The following HRH2 variants were observed in gnomAD, a reference collection of about 807,000 sequenced individuals.
HRH2 encodes the protein histamine receptor H2.
Under a neutral mutation model 20.1 loss-of-function variants are expected in HRH2, and 4 were observed. The ratio of observed to expected loss-of-function variants is 0.20; its 90% CI spans 0.10 to 0.45. The LOEUF (loss-of-function observed/expected upper bound fraction) is 0.45. Ranked by LOEUF, HRH2 falls within the 20% of genes least tolerant of loss-of-function variation. The probability of loss-of-function intolerance (pLI) is 0.99; values close to 1 mark genes in which losing one functional copy is unlikely to be tolerated. For missense variants in HRH2, 250 were observed against 461.6 expected, an observed-to-expected ratio of 0.54 and a Z score of 4.20; for synonymous variants, 197 against 200.7, an observed-to-expected ratio of 0.98 and a Z score of 0.16.
Position 175,709,018 on chromosome 5 carries a change from C to G in HRH2, c.*1047C>G, listed in dbSNP as rs1757023207. The G allele has an allele frequency of 6.6e-6, 1 of 152,092 alleles. No individual in the cohort carries two copies. Among genetic ancestry groups the G allele is most frequent in the Admixed American group, 6.6e-5 (1 of 15,264 alleles). The allele number at this position is 152,092 out of a possible 1,614,324, so 9.4% of individuals were successfully genotyped here. On this transcript the variant is annotated 3_prime_UTR_variant, in exon 3 of 3. Coordinates refer to ENST00000636584, the MANE Select transcript of HRH2 (RefSeq NM_001367711.1). ...CTAAGCAGCTTTTGATTCCCCTGTC[C>G]AAGAGGGTAGGCCCCCTGTTCCTAT...
intron 2 of HRH2, among the ~76,000 whole-genome samples, chr5:175,694,933 C>T (rs1330812905): frequency 6.6e-6 from 1 of 152,098 alleles, no homozygotes; most frequent in Non-Finnish European, 1.5e-5. Flanking sequence ...TGGGGAACGG[C>T]TCACGGGGGC....
At position 175,677,507 on chromosome 5, in the gene HRH2, G is replaced by A. The variant is rs2890892; in HGVS notation, c.-525-5202G>A. 0.15 allele frequency among the ~76,000 whole-genome samples: 22,118 copies of A among 152,204 alleles called. 3,587 individuals are homozygous for A. Among genetic ancestry groups the A allele is most frequent in the African/African-American group, 0.4 (16,476 of 41,470 alleles). ...CTCTGACTGTCTGGGCTGAAGCCAC[G>A]TTGGTCCGCAGCTCGTATCGGGGCA... On this transcript the variant is annotated intron_variant, in intron 1 of 2. Coordinates refer to ENST00000636584, the MANE Select transcript of HRH2 (RefSeq NM_001367711.1). This position sits in a 1 kb window ranked among gnomAD's most constrained non-coding sequence, Gnocchi z 4.2.
At chr5:175,697,408 A>C (rs1756633829) in intron 2 of HRH2, among the ~76,000 whole-genome samples, 1 of 148,836 alleles carries the variant, frequency 6.7e-6, no homozygotes, top group Admixed American at 6.8e-5. Context: ...GCTTGCAGTG[A>C]GCCGGGATAG....
intron 1 of HRH2, among the ~76,000 whole-genome samples, chr5:175,667,181 T>C (rs575834758): frequency 3.9e-5 from 6 of 152,226 alleles, no homozygotes; most frequent in African/African-American, 1.4e-4. Context: ...CGGTGGCTCA[T>C]GTCTGTAATT....
intron 2 of HRH2, 160 bp downstream of exon 2, chr5:175,684,469 G>A: frequency 3.7e-6 from 2 of 540,996 alleles, no homozygotes; most frequent in Non-Finnish European, 4.7e-6. Flanking sequence ...CCTCCCAACG[G>A]CCCCCAAAGG....
intron 1 of HRH2, among the ~76,000 whole-genome samples, chr5:175,672,613 T>C (rs1755588992): frequency 6.6e-6 from 1 of 152,234 alleles, no homozygotes; most frequent in Non-Finnish European, 1.5e-5. Context: ...GTTACGATGG[T>C]TATTTTCAAG....
intron 2 of HRH2, among the ~76,000 whole-genome samples, chr5:175,706,521 A>T (rs997248553): frequency 6.6e-6 from 1 of 152,186 alleles, no homozygotes; most frequent in African/African-American, 2.4e-5. Flanking sequence ...TGATAATTTC[A>T]CCGAGTGCAA....
At chr5:175,685,945 T>G in intron 2 of HRH2, 2 of 157,602 alleles carry the variant, frequency 1.3e-5, no homozygotes, top group Non-Finnish European at 2.8e-5. Flanking sequence ...GCCACCCCCA[T>G]TCCCAGGGGT....
chr5:175,682,887 G>A lies in HRH2; in HGVS notation c.-347G>A, dbSNP rs1468918392. On this transcript the variant is annotated 5_prime_UTR_variant, in exon 2 of 3. Coordinates refer to ENST00000636584, the MANE Select transcript of HRH2 (RefSeq NM_001367711.1). Reference sequence around the variant, plus strand: ...GATTCTATGCAAAACCTGGGAAGCGGAGACCTACCCCAGCCCCGGGAGGAA... The same window carrying A: ...GATTCTATGCAAAACCTGGGAAGCGAAGACCTACCCCAGCCCCGGGAGGAA... The A allele has an allele frequency of 1.6e-5, 4 of 255,106 alleles. No individual in the cohort carries two copies. Among genetic ancestry groups the A allele is most frequent in the Non-Finnish European group, 3.0e-5 (4 of 133,776 alleles). The allele number at this position is 255,106 out of a possible 1,614,324, so 15.8% of individuals were successfully genotyped here.
At chr5:175,662,758 C>T (rs1202112241) in intron 1 of HRH2, among the ~76,000 whole-genome samples, 1 of 152,194 alleles carries the variant, frequency 6.6e-6, no homozygotes, top group African/African-American at 2.4e-5. Flanking sequence ...CAGCCATCAC[C>T]ACTATGTGAT....
chr5:175,658,125 G>T lies in HRH2; in HGVS notation c.-556G>T, dbSNP rs1048675735. 6.6e-6 allele frequency: 1 copy of T among 151,874 alleles called. No individual in the cohort carries two copies. Among genetic ancestry groups the T allele is most frequent in the Admixed American group, 6.6e-5 (1 of 15,242 alleles). 9.4% of individuals were successfully genotyped at this position (151,874 alleles called of 1,614,324 possible). Reference sequence around the variant, plus strand: ...GGCGCGGGACCGAGGCGAACCGGGTGCGGAGCCAATACCCGCGGCAGCAGC... The same window carrying T: ...GGCGCGGGACCGAGGCGAACCGGGTTCGGAGCCAATACCCGCGGCAGCAGC... On this transcript the variant is annotated 5_prime_UTR_variant, in exon 1 of 3. Transcript: ENST00000636584.
chr5:175,662,022 A>AAAATAAATAAAT (rs60453819), intron 1 of HRH2, among the ~76,000 whole-genome samples: 1 of 150,444 alleles, frequency 6.6e-6, no homozygotes, highest in South Asian at 2.1e-4. Flanking sequence ...TCTGTCTCAA[A>AAAATAAATAAAT]AAATAAATAA....
At chr5:175,684,751 G>A (rs1442536123) in intron 2 of HRH2, among the ~76,000 whole-genome samples, 1 of 152,190 alleles carries the variant, frequency 6.6e-6, no homozygotes, top group African/African-American at 2.4e-5. Context: ...GGTTAAATGA[G>A]AAACTCAGCT....
rs1010913169 is a variant in HRH2, at chr5:175,683,554, T to C, written c.321T>C (p.Leu107=). The C allele has an allele frequency of 1.2e-6, 2 of 1,614,102 alleles. No homozygotes were observed. Among genetic ancestry groups the C allele is most frequent in the African/African-American group, 1.3e-5 (1 of 74,926 alleles). ...LDVMLCTASI[L]NLFMISLDRY... is the part of the protein sequence containing the mutation. ...TGATGCTCTGCACAGCCTCCATTCT[T>C]AACCTCTTCATGATCAGCCTCGACC... Residue 107 remains leucine, a synonymous_variant, in exon 2 of 3, where the codon CTT becomes CTC. Transcript: ENST00000636584.
chr5:175,664,835 G>T (rs561824312), intron 1 of HRH2, among the ~76,000 whole-genome samples: 1 of 152,056 alleles, frequency 6.6e-6, no homozygotes, highest in African/African-American at 2.4e-5. Flanking sequence ...GCAGGGGCTC[G>T]CTATGTTGCC....
At chr5:175,698,308 G>A (rs994097841) in intron 2 of HRH2, among the ~76,000 whole-genome samples, 4 of 152,184 alleles carry the variant, frequency 2.6e-5, no homozygotes, top group Non-Finnish European at 4.4e-5. Context: ...AATCCATTTA[G>A]TCTGCCCCAC....
chr5:175,695,040 G>T (rs1010169672), intron 2 of HRH2, among the ~76,000 whole-genome samples: 4 of 152,096 alleles, frequency 2.6e-5, no homozygotes, highest in Non-Finnish European at 4.4e-5. Context: ...TGCCTGAGTG[G>T]CGGGGCCCGT....
chr5:175,674,073 T>G (rs1755668965), intron 1 of HRH2, among the ~76,000 whole-genome samples: 1 of 152,198 alleles, frequency 6.6e-6, no homozygotes, highest in Non-Finnish European at 1.5e-5. Flanking sequence ...ACTAAGGAAT[T>G]TTGTCATCAG....
At chr5:175,670,277 T>G (rs1461791131) in intron 1 of HRH2, among the ~76,000 whole-genome samples, 1 of 152,136 alleles carries the variant, frequency 6.6e-6, no homozygotes, top group Non-Finnish European at 1.5e-5. Context: ...AAAGAAAATT[T>G]TTTTTTTAAA....
Sources: gnomAD v4.1 joint callset for allele counts (sites outside exome capture counted in the v4.1 genomes callset) on GRCh38, gnomAD v4.1.1 for gene constraint, Gnocchi (gnomAD v3.1) non-coding constraint, MANE v1.5 for transcripts, NCBI Gene and HGNC (gene_info 2026-07-23, HGNC 2026-07-21) for gene names.